Variants in PCCA observed in about 807,000 individuals in gnomAD.
PCCA encodes the protein propionyl-CoA carboxylase subunit alpha, also known as propionyl-CoA carboxylase alpha chain, mitochondrial.
A neutral mutation model predicts 101.3 loss-of-function variants in PCCA; 74 were observed. That is an observed-to-expected ratio of 0.73 (90% CI 0.61 to 0.89). PCCA has a LOEUF of 0.89. PCCA is among the 40% of genes least tolerant of loss of function. The pLI is 0.00. For synonymous variants in PCCA, 294 were observed against 313.6 expected, an observed-to-expected ratio of 0.94 and a Z score of 0.66; for missense variants, 891 against 907.0, an observed-to-expected ratio of 0.98 and a Z score of 0.23.
chr13:100,224,182 C>T (rs865847987), intron 7 of PCCA, among the ~76,000 whole-genome samples: 14 of 152,218 alleles, frequency 9.2e-5, no homozygotes, highest in Admixed American at 3.3e-4. Flanking sequence ...CTGCAGGTCC[C>T]GAGCCCTGCC....
intron 22 of PCCA, among the ~76,000 whole-genome samples, chr13:100,520,558 C>A (rs1012552576): frequency 6.7e-6 from 1 of 148,964 alleles, no homozygotes; most frequent in Non-Finnish European, 1.5e-5. Context: ...TGGCGTGAAC[C>A]CGGAAGGCGG....
At chr13:100,246,902 G>GT (rs34860703) in intron 8 of PCCA, among the ~76,000 whole-genome samples, 4,604 of 134,886 alleles carry the variant, frequency 0.034, 179 homozygotes, top group African/African-American at 0.095. Context: ...CTTCTAGTGA[G>GT]TTTTTTTTTT....
chr13:100,501,072 G>A (rs1390685329), intron 21 of PCCA, among the ~76,000 whole-genome samples: 1 of 152,108 alleles, frequency 6.6e-6, no homozygotes, highest in Non-Finnish European at 1.5e-5. Context: ...AACCTGGGAG[G>A]CGGAGGTTGC....
chr13:100,154,116 T>A (rs1473229469), intron 4 of PCCA, among the ~76,000 whole-genome samples: 2 of 152,142 alleles, frequency 1.3e-5, no homozygotes, highest in Non-Finnish European at 2.9e-5. Context: ...ATATCTGCCT[T>A]GCAAAATAAT....
chr13:100,114,809 T>C (rs1216894923), intron 4 of PCCA, among the ~76,000 whole-genome samples: 6 of 152,184 alleles, frequency 3.9e-5, no homozygotes. Flanking sequence ...GAAAGAACCC[T>C]CATATGCTGT....
intron 19 of PCCA, among the ~76,000 whole-genome samples, chr13:100,398,529 G>C (rs1205116451): frequency 2.6e-5 from 4 of 152,118 alleles, no homozygotes; most frequent in Admixed American, 2.6e-4. Context: ...TAGATCTCTT[G>C]ATTTGAATTG....
chr13:100,210,388 T>C (rs2059136666), intron 7 of PCCA, among the ~76,000 whole-genome samples: 1 of 152,216 alleles, frequency 6.6e-6, no homozygotes, highest in African/African-American at 2.4e-5. Context: ...ATTTGGTGAT[T>C]AAAAAATGTA....
At chr13:100,407,260 T>G (rs1386711137) in intron 19 of PCCA, among the ~76,000 whole-genome samples, 7 of 152,212 alleles carry the variant, frequency 4.6e-5, no homozygotes, top group African/African-American at 1.7e-4. Flanking sequence ...ACTAAACATG[T>G]TAAATAATCC....
intron 21 of PCCA, among the ~76,000 whole-genome samples, chr13:100,509,953 G>A (rs142255642): frequency 1.3e-5 from 2 of 152,166 alleles, no homozygotes; most frequent in East Asian, 1.9e-4. Context: ...GTTTACAAGC[G>A]TTATTTATTA....
chr13:100,150,950 C>T, intron 4 of PCCA: 5 of 1,521,540 alleles, frequency 3.3e-6, no homozygotes, highest in Non-Finnish European at 4.6e-6. Context: ...GCCCAGTCAG[C>T]GCGCTTTATC....
In PCCA at chr13:100,530,140, G is replaced by GGA. The variant is rs749875940; in HGVS notation, c.2162_2163insAG (p.Asp722GlyfsTer32). 6.2e-6 allele frequency: 10 copies of GGA among 1,613,966 alleles called. No homozygotes were observed. Among genetic ancestry groups the GGA allele is most frequent in the African/African-American group, 1.3e-5 (1 of 74,930 alleles). On this transcript the variant is annotated frameshift_variant, in exon 24 of 24. Coordinates refer to ENST00000376285, the MANE Select transcript of PCCA (RefSeq NM_000282.4). LOFTEE classifies it high-confidence loss of function. ...TCAAGCTGGAGACACAGTTGGAGAAGGGGATCTGCTCGTGGAGCTGGAATG... is the reference window on the plus strand; with the variant it reads ...TCAAGCTGGAGACACAGTTGGAGAAGGAGGGATCTGCTCGTGGAGCTGGAATG...
chr13:100,443,901 C>A (rs1244474629), intron 20 of PCCA, among the ~76,000 whole-genome samples: 2 of 152,214 alleles, frequency 1.3e-5, no homozygotes, highest in East Asian at 3.9e-4. Context: ...TTTACTCGGT[C>A]TCCTAGCCTC....
intron 8 of PCCA, among the ~76,000 whole-genome samples, chr13:100,256,123 T>C (rs920609027): frequency 6.6e-6 from 1 of 152,162 alleles, no homozygotes; most frequent in Non-Finnish European, 1.5e-5. Flanking sequence ...TTCTCTTGCC[T>C]CAGCCTCTGA....
At chr13:100,130,685 G>A (rs534180667) in intron 4 of PCCA, among the ~76,000 whole-genome samples, 3 of 152,134 alleles carry the variant, frequency 2.0e-5, no homozygotes, top group Admixed American at 1.3e-4. Flanking sequence ...TTTAGTTTCC[G>A]GGTCTATAGT....
At chr13:100,451,973 T>C (rs2081329369) in intron 21 of PCCA, among the ~76,000 whole-genome samples, 1 of 90,052 alleles carries the variant, frequency 1.1e-5, no homozygotes, top group Non-Finnish European at 2.2e-5. Flanking sequence ...CTCTCTCTCC[T>C]CTCCCTCTCT....
At chr13:100,237,025 A>G (rs918752376) in intron 8 of PCCA, 7 of 152,242 alleles carry the variant, frequency 4.6e-5, no homozygotes, top group African/African-American at 1.7e-4. Flanking sequence ...ATCGTGCCAC[A>G]CGAACATTTC....
At chr13:100,094,987 A>T (rs868444988) in intron 1 of PCCA, among the ~76,000 whole-genome samples, 2 of 152,188 alleles carry the variant, frequency 1.3e-5, no homozygotes, top group Admixed American at 6.5e-5. Context: ...TCATTCTCCC[A>T]CAGTACTAAA....
intron 4 of PCCA, among the ~76,000 whole-genome samples, chr13:100,117,605 A>G (rs1184485762): frequency 1.3e-5 from 2 of 151,584 alleles, no homozygotes; most frequent in Non-Finnish European, 2.9e-5. Flanking sequence ...AGGGAACATC[A>G]CACACTGTGT....
At chr13:100,330,120 A>G (rs1013910004) in intron 16 of PCCA, among the ~76,000 whole-genome samples, 1 of 152,196 alleles carries the variant, frequency 6.6e-6, no homozygotes, top group African/African-American at 2.4e-5. Context: ...CACTTCCACA[A>G]CCAGCAGGAT....
Sources: gnomAD v4.1 joint callset for allele counts (sites outside exome capture counted in the v4.1 genomes callset) on GRCh38, gnomAD v4.1.1 for gene constraint, MANE v1.5 for transcripts, NCBI Gene and HGNC (gene_info 2026-07-23, HGNC 2026-07-21) for gene names.